PTPRM: variants seen among roughly 807,000 people sequenced by gnomAD.
PTPRM encodes the protein protein tyrosine phosphatase receptor type M, also known as receptor-type tyrosine-protein phosphatase mu.
In PTPRM, 47 loss-of-function variants were observed where a neutral mutation model predicts 186.7. That is an observed-to-expected ratio of 0.25 (90% CI 0.20 to 0.32). The LOEUF is 0.32. Among genes scored for constraint, PTPRM ranks in the 10% least tolerant of loss-of-function variants. The probability of loss-of-function intolerance (pLI) is 1.00; values close to 1 mark genes in which losing one functional copy is unlikely to be tolerated. For missense variants in PTPRM, 1,494 were observed against 1,865.0 expected (o/e 0.80, Z 3.66); for synonymous variants, 668 against 674.9 (o/e 0.99, Z 0.16).
chr18:8,025,243 GA>G (rs1025988258), intron 7 of PTPRM, among the ~76,000 whole-genome samples: 1 of 152,134 alleles, frequency 6.6e-6, no homozygotes, highest in African/African-American at 2.4e-5. Flanking sequence ...TCTCCACTTA[GA>G]CCAAAGTGGT....
intron 7 of PTPRM, among the ~76,000 whole-genome samples, chr18:8,017,103 A>G (rs2084918730): frequency 6.6e-6 from 1 of 152,172 alleles, no homozygotes; most frequent in African/African-American, 2.4e-5. Context: ...GACAGTATTT[A>G]TTTTAAGCAT....
intron 5 of PTPRM, among the ~76,000 whole-genome samples, chr18:7,942,771 C>T (rs1157529894): frequency 6.6e-6 from 1 of 152,106 alleles, no homozygotes; most frequent in African/African-American, 2.4e-5. Flanking sequence ...ACTGCATCAA[C>T]ACTAACAAAG....
chr18:8,282,159 A>G (rs1028213236), intron 19 of PTPRM, among the ~76,000 whole-genome samples: 2 of 152,240 alleles, frequency 1.3e-5, no homozygotes, highest in South Asian at 2.1e-4. Context: ...GATGACAAAT[A>G]AACACATGAA....
chr18:7,639,679 A>C (rs2038401699), intron 1 of PTPRM, among the ~76,000 whole-genome samples: 1 of 152,202 alleles, frequency 6.6e-6, no homozygotes, highest in Non-Finnish European at 1.5e-5. Context: ...GGCTTGAGCC[A>C]CCGCTCTCGG....
At chr18:7,858,882 C>T (rs2047214494) in intron 2 of PTPRM, among the ~76,000 whole-genome samples, 1 of 152,134 alleles carries the variant, frequency 6.6e-6, no homozygotes, top group South Asian at 2.1e-4. Flanking sequence ...GCTGATATCC[C>T]AGTGGACGAT....
At chr18:7,892,232 G>A (rs1422732071) in intron 3 of PTPRM, among the ~76,000 whole-genome samples, 1 of 152,126 alleles carries the variant, frequency 6.6e-6, no homozygotes, top group Non-Finnish European at 1.5e-5. Context: ...GACCATCACA[G>A]CCTCCAGAGC....
intron 7 of PTPRM, among the ~76,000 whole-genome samples, chr18:7,991,314 G>A (rs1395311660): frequency 2.0e-5 from 3 of 152,092 alleles, no homozygotes; most frequent in African/African-American, 7.2e-5. Flanking sequence ...CCTGAGGATT[G>A]TAGTGACCTT....
chr18:7,777,479 G>A (rs1306876623), intron 2 of PTPRM, among the ~76,000 whole-genome samples: 1 of 152,186 alleles, frequency 6.6e-6, no homozygotes, highest in African/African-American at 2.4e-5. Flanking sequence ...GTTTAGTAGT[G>A]GCAACAGAGA....
chr18:7,757,091 G>T (rs2041534802), intron 1 of PTPRM, among the ~76,000 whole-genome samples: 1 of 152,142 alleles, frequency 6.6e-6, no homozygotes. Flanking sequence ...GGAATGCTCT[G>T]TATGTGCCTC....
At chr18:7,575,040 G>GA (rs1273128606) in intron 1 of PTPRM, among the ~76,000 whole-genome samples, 1 of 152,012 alleles carries the variant, frequency 6.6e-6, no homozygotes, top group African/African-American at 2.4e-5. Context: ...TCAAAAAACA[G>GA]AAAAAAATAA....
chr18:7,620,482 T>C (rs149393152), intron 1 of PTPRM, among the ~76,000 whole-genome samples: 63 of 152,266 alleles, frequency 4.1e-4, no homozygotes, highest in African/African-American at 1.4e-3. Flanking sequence ...TGAAAGTGCT[T>C]GTAATTGCCA....
At chr18:8,221,791 A>G (rs1465716589) in intron 14 of PTPRM, among the ~76,000 whole-genome samples, 1 of 152,216 alleles carries the variant, frequency 6.6e-6, no homozygotes, top group Non-Finnish European at 1.5e-5. Flanking sequence ...ATTTTGGCCT[A>G]CAGATTTCCC....
chr18:7,910,390 A>C (rs913450898), intron 4 of PTPRM, among the ~76,000 whole-genome samples: 2 of 152,244 alleles, frequency 1.3e-5, no homozygotes, highest in Admixed American at 1.3e-4. Context: ...CAACAAAAGC[A>C]GAGATTTATT....
Position 8,120,744 on chromosome 18 carries a change from C to A in PTPRM, c.2167+5917C>A, listed in dbSNP as rs138382389. ...TCCTGAGCTCAAGCGATCCACCCAC[C>A]TCAGCCTCCCAAAGTGCTGGGATTA... On this transcript the variant is annotated intron_variant, in intron 13 of 32. Transcript: ENST00000580170. Among the ~76,000 whole-genome samples the A allele has an allele frequency of 5.7e-3, 872 of 152,242 alleles. 8 individuals carry two copies. The highest frequency in any genetic ancestry group is 0.02 in the African/African-American group (816 of 41,536).
chr18:8,289,335 A>G (rs944860735), intron 19 of PTPRM, among the ~76,000 whole-genome samples: 4 of 150,922 alleles, frequency 2.7e-5, no homozygotes, highest in Non-Finnish European at 5.9e-5. Context: ...AATAAGAAAC[A>G]TATTCTAAAG....
At position 7,704,101 on chromosome 18, in the gene PTPRM, C is replaced by A. The variant is rs140280472; in HGVS notation, c.74-70048C>A. ...AGTATTTTATTGAGGATTTTCGCAT[C>A]GACGTTCATCAGGCATATTGGCCTG... On this transcript the variant is annotated intron_variant, in intron 1 of 32. Transcript: ENST00000580170. Among the ~76,000 whole-genome samples, 260 of 152,206 alleles carry A rather than the reference C, an allele frequency of 1.7e-3. 1 individual carries two copies. Among genetic ancestry groups the A allele is most frequent in the African/African-American group, 6.1e-3 (254 of 41,524 alleles).
intron 13 of PTPRM, among the ~76,000 whole-genome samples, chr18:8,135,444 AAAAGTGT>A (rs2145994484): frequency 6.6e-6 from 1 of 152,050 alleles, no homozygotes; most frequent in East Asian, 1.9e-4. Flanking sequence ...GGGAATCCCC[AAAAGTGT>A]TACATAGATT....
chr18:7,627,026 G>A (rs2038078950), intron 1 of PTPRM, among the ~76,000 whole-genome samples: 1 of 151,986 alleles, frequency 6.6e-6, no homozygotes, highest in Non-Finnish European at 1.5e-5. Flanking sequence ...CTCTGCAGGT[G>A]GCTTAGTGTC....
intron 19 of PTPRM, among the ~76,000 whole-genome samples, chr18:8,279,153 A>T (rs55861003): frequency 6.2e-3 from 948 of 152,000 alleles, no homozygotes; most frequent in Non-Finnish European, 9.3e-3. Flanking sequence ...TTTGAAGATC[A>T]TATATCCTCA....
Sources: gnomAD v4.1 joint callset for allele counts (sites outside exome capture counted in the v4.1 genomes callset) on GRCh38, gnomAD v4.1.1 for gene constraint, MANE v1.5 for transcripts, NCBI Gene and HGNC (gene_info 2026-07-23, HGNC 2026-07-21) for gene names.